The following CDH18 variants were observed in gnomAD, a reference collection of about 807,000 sequenced individuals.
CDH18 encodes the protein cadherin 18, also known as cadherin-18.
In CDH18, 31 loss-of-function variants were observed where a neutral mutation model predicts 67.9. The ratio of observed to expected loss-of-function variants is 0.46; its 90% CI spans 0.34 to 0.62. CDH18 has a LOEUF of 0.62. Ranked by LOEUF, CDH18 falls within the 20% of genes least tolerant of loss-of-function variation. The probability of loss-of-function intolerance (pLI) is 0.01; values close to 1 mark genes in which losing one functional copy is unlikely to be tolerated. For synonymous variants in CDH18, 362 were observed against 347.2 expected, an observed-to-expected ratio of 1.04 and a Z score of -0.48; for missense variants, 890 against 975.5, an observed-to-expected ratio of 0.91 and a Z score of 1.17.
At chr5:19,936,637 T>A (rs967212408) in intron 2 of CDH18, among the ~76,000 whole-genome samples, 11 of 151,082 alleles carry the variant, frequency 7.3e-5, no homozygotes, top group Admixed American at 5.3e-4. Flanking sequence ...AGAAAAAAAA[T>A]AAAAACTAGA....
rs1579900411 is a variant in CDH18 at position 19,509,222 on chromosome 5, T to C, written c.1513-6113A>G. On this transcript the variant is annotated intron_variant, in intron 10 of 12. Coordinates refer to ENST00000382275, the MANE Select transcript of CDH18 (RefSeq NM_004934.5). ...ACCAAATACCACGCGTTCTCACTTA[T>C]AAATGGAAGCTAAACAATGGGGACA... 3.3e-5 allele frequency among the ~76,000 whole-genome samples: 5 copies of C among 152,062 alleles called. No homozygotes were observed. In the South Asian group the frequency reaches 8.3e-4, roughly 25 times the overall value.
At chr5:19,549,627 G>C (rs10473054) in intron 8 of CDH18, among the ~76,000 whole-genome samples, 82,265 of 147,010 alleles carry the variant, frequency 0.56, 24,153 homozygotes, top group Middle Eastern at 0.71. Flanking sequence ...AAAGAAGGAA[G>C]GAAGAAAAAT....
chr5:20,056,797 C>T (rs941951199), intron 2 of CDH18, among the ~76,000 whole-genome samples: 2 of 149,628 alleles, frequency 1.3e-5, no homozygotes, highest in Admixed American at 1.3e-4. Context: ...CATTCTCCTG[C>T]CTCAGTCTCC....
At chr5:20,565,646 C>T (rs115405441) in intron 1 of CDH18, among the ~76,000 whole-genome samples, 2,635 of 151,896 alleles carry the variant, frequency 0.017, 82 homozygotes, top group African/African-American at 0.06. Context: ...ATCCTGAGAC[C>T]TCTAGGTGGG....
At chr5:20,303,659 G>A (rs1440305602) in intron 1 of CDH18, among the ~76,000 whole-genome samples, 1 of 152,014 alleles carries the variant, frequency 6.6e-6, no homozygotes, top group East Asian at 1.9e-4. Context: ...AACACAGCCA[G>A]GCACCTGTTC....
At chr5:20,206,720 C>A (rs1404572379) in intron 2 of CDH18, among the ~76,000 whole-genome samples, 1 of 151,846 alleles carries the variant, frequency 6.6e-6, no homozygotes, top group Admixed American at 6.6e-5. Context: ...AAACATGATA[C>A]ATCACATTAA....
At chr5:19,881,620 T>G (rs1787654804) in intron 2 of CDH18, among the ~76,000 whole-genome samples, 1 of 151,674 alleles carries the variant, frequency 6.6e-6, no homozygotes, top group Non-Finnish European at 1.5e-5. Context: ...GCGATTCTCC[T>G]GCCTCAGCCT....
intron 2 of CDH18, among the ~76,000 whole-genome samples, chr5:20,192,154 CT>C (rs549452859): frequency 7.4e-5 from 11 of 149,440 alleles, no homozygotes; most frequent in African/African-American, 2.7e-4. Flanking sequence ...GCATAAATGT[CT>C]TCTTTTGAGA....
At chr5:19,574,732 C>A (rs1008450945) in intron 7 of CDH18, among the ~76,000 whole-genome samples, 1 of 149,004 alleles carries the variant, frequency 6.7e-6, no homozygotes, top group Non-Finnish European at 1.5e-5. Flanking sequence ...TTGTCTTCCA[C>A]GCTTTCTTAG....
At chr5:20,258,591 C>A (rs1416184805) in intron 1 of CDH18, among the ~76,000 whole-genome samples, 3 of 152,130 alleles carry the variant, frequency 2.0e-5, no homozygotes, top group East Asian at 3.9e-4. Context: ...AATTCATGAA[C>A]AAATTAACTA....
chr5:20,314,469 T>TA (rs1468883667), intron 1 of CDH18, among the ~76,000 whole-genome samples: 1 of 152,078 alleles, frequency 6.6e-6, no homozygotes, highest in Non-Finnish European at 1.5e-5. Context: ...ATTGCTGATT[T>TA]AAAAAATTTC....
chr5:20,192,649 T>C (rs979409822), intron 2 of CDH18, among the ~76,000 whole-genome samples: 3 of 152,236 alleles, frequency 2.0e-5, no homozygotes, highest in African/African-American at 4.8e-5. Context: ...TTGTCAAATA[T>C]TAGATGGTTG....
intron 2 of CDH18, among the ~76,000 whole-genome samples, chr5:19,924,426 C>A (rs1792869647): frequency 6.6e-6 from 1 of 152,030 alleles, no homozygotes; most frequent in African/African-American, 2.4e-5. Context: ...CACCTGAGGT[C>A]AGGAGATCAA....
intron 10 of CDH18, among the ~76,000 whole-genome samples, chr5:19,507,517 A>G (rs2126800148): frequency 6.6e-6 from 1 of 152,278 alleles, no homozygotes; most frequent in Non-Finnish European, 1.5e-5. Flanking sequence ...AATGTCCAAC[A>G]ATGATAGACT....
chr5:19,793,435 G>A (rs1776564315), intron 3 of CDH18, among the ~76,000 whole-genome samples: 1 of 152,040 alleles, frequency 6.6e-6, no homozygotes, highest in Non-Finnish European at 1.5e-5. Context: ...AATATTTGTT[G>A]CCCCAGAGCT....
intron 2 of CDH18, among the ~76,000 whole-genome samples, chr5:20,105,118 G>A (rs757202258): frequency 3.3e-5 from 5 of 151,964 alleles, no homozygotes; most frequent in Non-Finnish European, 2.9e-5. Flanking sequence ...CTCTTGAGTA[G>A]CTGGGATTAC....
At chr5:20,297,181 T>C (rs1747605409) in intron 1 of CDH18, among the ~76,000 whole-genome samples, 1 of 152,302 alleles carries the variant, frequency 6.6e-6, no homozygotes, top group East Asian at 1.9e-4. Flanking sequence ...TATATAAAAA[T>C]CATGAAAATG....
chr5:20,056,907 G>A (rs1020382062), intron 2 of CDH18, among the ~76,000 whole-genome samples: 1 of 151,220 alleles, frequency 6.6e-6, no homozygotes, highest in Non-Finnish European at 1.5e-5. Flanking sequence ...GGATGGTCTC[G>A]ATCTCCTGAC....
chr5:20,383,123 A>G (rs930033464), intron 1 of CDH18, among the ~76,000 whole-genome samples: 43 of 152,150 alleles, frequency 2.8e-4, no homozygotes, highest in African/African-American at 1.0e-3. Context: ...CTTTTTCTAC[A>G]TTTTAGCTGC....
Sources: gnomAD v4.1 joint callset for allele counts (sites outside exome capture counted in the v4.1 genomes callset) on GRCh38, gnomAD v4.1.1 for gene constraint, MANE v1.5 for transcripts, NCBI Gene and HGNC (gene_info 2026-07-23, HGNC 2026-07-21) for gene names.